GAN: variants seen among roughly 807,000 people sequenced by gnomAD.
GAN encodes the protein epididymis secretory sperm binding protein.
In GAN, 48 loss-of-function variants were observed where a neutral mutation model predicts 71.3. The ratio of observed to expected loss-of-function variants is 0.67; its 90% CI spans 0.53 to 0.86. The LOEUF (loss-of-function observed/expected upper bound fraction) is 0.86. GAN is among the 40% of genes least tolerant of loss of function. GAN has a pLI of 0.00. For missense variants in GAN, 928 were observed against 770.1 expected (o/e 1.21, Z -2.43); for synonymous variants, 386 against 276.8 (o/e 1.39, Z -3.92).
intron 3 of GAN, 85 bp downstream of exon 3, chr16:81,354,840 C>A: frequency 2.6e-6 from 2 of 783,332 alleles, no homozygotes; most frequent in East Asian, 2.6e-5. Flanking sequence ...TCTTCTTCAT[C>A]ATGAAAGACT....
intron 9 of GAN, among the ~76,000 whole-genome samples, chr16:81,369,748 C>T (rs1012246182): frequency 2.6e-5 from 4 of 152,142 alleles, no homozygotes; most frequent in Non-Finnish European, 4.4e-5. Context: ...CCCGCCACCG[C>T]GCCCAGCTAA....
At chr16:81,330,747 C>A (rs1482849343) in intron 1 of GAN, among the ~76,000 whole-genome samples, 1 of 152,214 alleles carries the variant, frequency 6.6e-6, no homozygotes, top group African/African-American at 2.4e-5. Flanking sequence ...AATATACTTA[C>A]AAAGGGAAAA....
At chr16:81,363,994 A>G (rs762055049) in intron 7 of GAN, 51 bp downstream of exon 7, 1 of 1,341,836 alleles carries the variant, frequency 7.5e-7, no homozygotes, top group Non-Finnish European at 1.1e-6. Flanking sequence ...TGGATTTTAA[A>G]CTTAATGTGT....
At chr16:81,347,720 T>C (rs1189447771) in intron 1 of GAN, among the ~76,000 whole-genome samples, 1 of 152,230 alleles carries the variant, frequency 6.6e-6, no homozygotes, top group Non-Finnish European at 1.5e-5. Context: ...AATTTCTTCT[T>C]TATTATTTAA....
chr16:81,352,441 G>A (rs936778771), intron 2 of GAN, among the ~76,000 whole-genome samples: 1 of 152,114 alleles, frequency 6.6e-6, no homozygotes. Context: ...CTAGTTTTTT[G>A]TTTTGTTTTT....
At chr16:81,352,303 C>T (rs906783538) in intron 2 of GAN, among the ~76,000 whole-genome samples, 19 of 152,176 alleles carry the variant, frequency 1.2e-4, no homozygotes, top group Non-Finnish European at 2.5e-4. Context: ...TTGTGATACC[C>T]AGGGAGGAGA....
At chr16:81,350,305 G>A (rs1910256843) in intron 1 of GAN, among the ~76,000 whole-genome samples, 1 of 152,126 alleles carries the variant, frequency 6.6e-6, no homozygotes, top group Non-Finnish European at 1.5e-5. Flanking sequence ...TAACCACAGT[G>A]AGATACCATA....
intron 3 of GAN, 56 bp downstream of exon 3, chr16:81,354,811 AT>A: frequency 2.0e-6 from 2 of 1,001,486 alleles, no homozygotes; most frequent in South Asian, 1.3e-5. Context: ...TTTAATTCAA[AT>A]TTTAGTTGTT....
chr16:81,337,869 T>G (rs191062431), intron 1 of GAN, among the ~76,000 whole-genome samples: 58 of 152,274 alleles, frequency 3.8e-4, no homozygotes, highest in African/African-American at 1.4e-3. Flanking sequence ...TTAGACCACA[T>G]GATGTGCAAG....
At chr16:81,365,288 C>G in intron 8 of GAN, 62 bp from the exon 9 acceptor site, 1 of 1,607,378 alleles carries the variant, frequency 6.2e-7, no homozygotes, top group Admixed American at 1.7e-5. Context: ...ATAAGAGGAA[C>G]GCGGGAGTGA....
Position 81,324,381 on chromosome 16 carries a change from G to A in GAN, c.167+9101G>A, listed in dbSNP as rs530691016. Among the ~76,000 whole-genome samples, 5 of 152,216 alleles carry A rather than the reference G, an allele frequency of 3.3e-5. No homozygotes were observed. The East Asian group carries it at 7.7e-4, about 23-fold the overall frequency. ...TGGCTGCTGCTGTGGCCTGGGTGAC[G>A]GGATCCCTGCTCCGAGGTGGTGCCA... On this transcript the variant is annotated intron_variant, in intron 1 of 10. Transcript: ENST00000648994.
chr16:81,329,381 A>G (rs1597390845), intron 1 of GAN, among the ~76,000 whole-genome samples: 2 of 152,174 alleles, frequency 1.3e-5, no homozygotes, highest in African/African-American at 4.8e-5. Context: ...TAAACTCTCT[A>G]CTTATATTGG....
In GAN at chr16:81,387,231, G is replaced by A. The variant is rs1904428900; in HGVS notation, c.*9635G>A. The A allele has an allele frequency of 6.6e-6, 1 of 152,180 alleles. No individual in the cohort carries two copies. The highest frequency in any genetic ancestry group is 1.5e-5 in the Non-Finnish European group (1 of 68,032). The allele number at this position is 152,180 out of a possible 1,614,324, so 9.4% of individuals were successfully genotyped here. A position where few individuals can be genotyped will look rare whatever the true frequency, so the allele number is the denominator to read the frequency against. On this transcript the variant is annotated 3_prime_UTR_variant, in exon 11 of 11. Transcript: ENST00000648994. Reference sequence around the variant, plus strand: ...CTTACGTCTCGGTTCAAGAAAGCACGTTGCTATATGAAATTTCAGAAAAAA... The same window carrying A: ...CTTACGTCTCGGTTCAAGAAAGCACATTGCTATATGAAATTTCAGAAAAAA...
intron 1 of GAN, among the ~76,000 whole-genome samples, chr16:81,348,647 C>T (rs1910200622): frequency 6.6e-6 from 1 of 152,224 alleles, no homozygotes; most frequent in Non-Finnish European, 1.5e-5. Context: ...CAGAGTAATA[C>T]TACGTTTTCT....
intron 9 of GAN, 84 bp from the exon 10 acceptor site, chr16:81,377,135 C>T (rs1036371948): frequency 1.2e-6 from 1 of 868,044 alleles, no homozygotes; most frequent in Non-Finnish European, 2.0e-6. Flanking sequence ...GCTGATGACT[C>T]ACCAAGCTTG....
chr16:81,383,356 A>C lies in GAN; in HGVS notation c.*5760A>C, dbSNP rs1327096131. 7 of 146,406 alleles carry C rather than the reference A, an allele frequency of 4.8e-5. No homozygotes were observed. Among genetic ancestry groups the C allele is most frequent in the African/African-American group, 1.8e-4 (7 of 39,288 alleles). The allele number at this position is 146,406 out of a possible 1,614,324, so 9.1% of individuals were successfully genotyped here. ...CAATCTCCGCCTCCTGGGTTCAAGC[A>C]ATCATCCTGCCTCAGCCTCCCCAGT... On this transcript the variant is annotated 3_prime_UTR_variant, in exon 11 of 11. Transcript: ENST00000648994.
rs1910429503 is a variant in GAN at position 81,354,741 on chromosome 16, A to G, written c.619A>G (p.Thr207Ala). The change falls in exon 3 of 11, where the codon ACA (threonine) becomes GCA (alanine). Residue 207 changes from threonine (T) to alanine (A), a missense_variant. Physicochemically the swap from Thr to Ala is moderately conservative, Grantham distance 58. Coordinates refer to ENST00000648994, the MANE Select transcript of GAN (RefSeq NM_022041.4). ...AGTAATTCGATGGATAGCACATGAT[A>G]CAGAAATAAGAAAGGTACCTGTCAT... ...EAVIRWIAHD[T>A]EIRKVHMKDV... 1.3e-6 allele frequency: 2 copies of G among 1,586,850 alleles called. No homozygotes were observed. Among genetic ancestry groups the G allele is most frequent in the Non-Finnish European group, 1.7e-6 (2 of 1,155,202 alleles).
At chr16:81,332,630 A>G (rs1334794150) in intron 1 of GAN, among the ~76,000 whole-genome samples, 1 of 152,158 alleles carries the variant, frequency 6.6e-6, no homozygotes, top group Admixed American at 6.5e-5. Context: ...CCTTGTACAT[A>G]GCACATGCCT....
In GAN at chr16:81,386,046, G is replaced by C. The variant is rs2150703559; in HGVS notation, c.*8450G>C. On this transcript the variant is annotated 3_prime_UTR_variant, in exon 11 of 11. Transcript: ENST00000648994. ...GATTACAGGTGTGAGCATCCAGCCAGAAAATGATTTGCTTTCTAGACCCAT... is the reference window on the plus strand; with the variant it reads ...GATTACAGGTGTGAGCATCCAGCCACAAAATGATTTGCTTTCTAGACCCAT... The C allele has an allele frequency of 6.6e-6, 1 of 152,204 alleles. No individual in the cohort carries two copies. The highest frequency in any genetic ancestry group is 2.1e-4 in the South Asian group (1 of 4,824). 9.4% of individuals were successfully genotyped at this position (152,204 alleles called of 1,614,324 possible).
Sources: gnomAD v4.1 joint callset for allele counts (sites outside exome capture counted in the v4.1 genomes callset) on GRCh38, gnomAD v4.1.1 for gene constraint, MANE v1.5 for transcripts, NCBI Gene and HGNC (gene_info 2026-07-23, HGNC 2026-07-21) for gene names.